The following SMC1B variants were observed in gnomAD, a reference collection of about 807,000 sequenced individuals.
SMC1B encodes structural maintenance of chromosomes protein 1B.
In SMC1B, 60 loss-of-function variants were observed where a neutral mutation model predicts 157.9. The observed-to-expected ratio is 0.38, with a 90% CI of 0.31 to 0.47. SMC1B has a LOEUF of 0.47. Ranked by LOEUF, SMC1B falls within the 20% of genes least tolerant of loss-of-function variation. The pLI, the probability that SMC1B is intolerant of heterozygous loss-of-function variation, is 0.99. For missense variants in SMC1B, 1,165 were observed against 1,426.2 expected (o/e 0.82, Z 2.95); for synonymous variants, 445 against 483.0 (o/e 0.92, Z 1.03).
At chr22:45,387,340 C>G (rs1429239492) in intron 10 of SMC1B, among the ~76,000 whole-genome samples, 1 of 152,130 alleles carries the variant, frequency 6.6e-6, no homozygotes, top group Non-Finnish European at 1.5e-5. Context: ...ATCCCAGCTA[C>G]TCAGGAGGCT....
intron 5 of SMC1B, among the ~76,000 whole-genome samples, chr22:45,402,122 ATCC>A (rs1221154817): frequency 6.6e-6 from 1 of 152,158 alleles, no homozygotes; most frequent in African/African-American, 2.4e-5. Flanking sequence ...TTACCTCGTG[ATCC>A]ACCTGCCTCA....
chr22:45,351,418 CTCTTT>C (rs2086614115), intron 22 of SMC1B, among the ~76,000 whole-genome samples: 1 of 152,214 alleles, frequency 6.6e-6, no homozygotes, highest in South Asian at 2.1e-4. Context: ...TTATGGTTTT[CTCTTT>C]TCTTTTCCTG....
chr22:45,352,609 C>T lies in SMC1B; in HGVS notation c.3274-7G>A, dbSNP rs371921978. 239 of 1,586,484 alleles carry T rather than the reference C, an allele frequency of 1.5e-4. No individual in the cohort carries two copies. The highest frequency in any genetic ancestry group is 1.9e-4 in the Non-Finnish European group (227 of 1,165,806). On this transcript the variant is annotated splice_polypyrimidine_tract_variant and splice_region_variant and intron_variant, in intron 21 of 24. Transcript: ENST00000357450. ...TCTCTGGGCTAAGAAATGCCTGAAA[C>T]GCATGTTATTTATTTAGCAATATCA...
At chr22:45,378,473 T>C (rs2086904221) in intron 12 of SMC1B, among the ~76,000 whole-genome samples, 1 of 152,182 alleles carries the variant, frequency 6.6e-6, no homozygotes, top group South Asian at 2.1e-4. Context: ...TTCTATGCAA[T>C]TTACATTTAT....
intron 12 of SMC1B, 106 bp from the exon 13 acceptor site, chr22:45,372,398 C>CCTG (rs2086842220): frequency 2.2e-6 from 2 of 905,144 alleles, no homozygotes; most frequent in East Asian, 5.5e-5. Flanking sequence ...TACCACCACA[C>CCTG]CTGCACCTTA....
intron 19 of SMC1B, among the ~76,000 whole-genome samples, chr22:45,355,458 T>C (rs138437097): frequency 5.8e-4 from 89 of 152,304 alleles, no homozygotes; most frequent in Non-Finnish European, 1.0e-3. Flanking sequence ...CTTTAAAGAC[T>C]TACAGGGAAG....
In SMC1B at chr22:45,396,346, C is replaced by G; in HGVS notation, c.1254G>C (p.Gln418His). 1 of 1,610,570 alleles carries G rather than the reference C, an allele frequency of 6.2e-7. No homozygotes were observed. Among genetic ancestry groups the G allele is most frequent in the Middle Eastern group, 1.7e-4 (1 of 6,056 alleles). The change falls in exon 7 of 25, where the codon CAG (glutamine) becomes CAC (histidine). Residue 418 changes from glutamine (Q) to histidine (H), a missense_variant and splice_region_variant. Transcript: ENST00000357450. ...AFEKRRHGEV[Q>H]GNLKQIKEQI... ...ATCATTACTGTACAACCCAAGACAC[C>G]TGAACTTCTCCATGCCTCCTCTTTT...
intron 23 of SMC1B, among the ~76,000 whole-genome samples, chr22:45,347,378 A>G (rs1295894567): frequency 6.6e-6 from 1 of 152,198 alleles, no homozygotes; most frequent in African/African-American, 2.4e-5. Flanking sequence ...TCTCAGATGA[A>G]TACAATTTGA....
intron 7 of SMC1B, 23 bp downstream of exon 7, chr22:45,396,323 C>A (rs774513736): frequency 2.2e-5 from 35 of 1,576,186 alleles, no homozygotes; most frequent in African/African-American, 6.9e-5. Flanking sequence ...GATTCTAAAT[C>A]ATTACTGTAC....
At chr22:45,362,820 G>T in intron 16 of SMC1B, 65 bp downstream of exon 16, 3 of 1,389,798 alleles carry the variant, frequency 2.2e-6, no homozygotes, top group Non-Finnish European at 3.0e-6. Flanking sequence ...CGCACAAAAG[G>T]TTTACCACAT....
At chr22:45,345,933 G>A (rs28413024) in intron 23 of SMC1B, among the ~76,000 whole-genome samples, 1 of 150,282 alleles carries the variant, frequency 6.7e-6, no homozygotes, top group Non-Finnish European at 1.5e-5. Context: ...GCTGGGCGCA[G>A]TGGCTCACAC....
At chr22:45,374,802 G>C (rs1032073642) in intron 12 of SMC1B, among the ~76,000 whole-genome samples, 1 of 152,014 alleles carries the variant, frequency 6.6e-6, no homozygotes, top group African/African-American at 2.4e-5. Flanking sequence ...GGCCTATATC[G>C]ATTTTCCAGG....
At chr22:45,383,204 CAAAG>C (rs2086954579) in intron 12 of SMC1B, among the ~76,000 whole-genome samples, 1 of 151,214 alleles carries the variant, frequency 6.6e-6, no homozygotes, top group Non-Finnish European at 1.5e-5. Context: ...TATCATAAAA[CAAAG>C]AAAATAGGAA....
At position 45,413,583 on chromosome 22, in the gene SMC1B, G is replaced by T; in HGVS notation, c.-16C>A. On this transcript the variant is annotated 5_prime_UTR_variant, in exon 1 of 25. Coordinates refer to ENST00000357450, the MANE Select transcript of SMC1B (RefSeq NM_148674.5). ...GGTGGGCCATGGCGCCGCCCTCCAC[G>T]CCTCACCCGCGTTATCAAGCGCCCG... 1 of 1,585,400 alleles carries T rather than the reference G, an allele frequency of 6.3e-7. No individual in the cohort carries two copies. Among genetic ancestry groups the T allele is most frequent in the Non-Finnish European group, 8.6e-7 (1 of 1,164,562 alleles).
At chr22:45,404,690 CTGGAAGCCCTGGCTCCCCCT>C (rs1297509826) in intron 4 of SMC1B, among the ~76,000 whole-genome samples, 1 of 46,846 alleles carries the variant, frequency 2.1e-5, no homozygotes, top group Non-Finnish European at 3.4e-5. Context: ...CACCTATAAC[CTGGAAGCCCTGGCTCCCCCT>C]CCTTTCCAGA....
intron 23 of SMC1B, among the ~76,000 whole-genome samples, chr22:45,346,162 G>T (rs948739217): frequency 2.0e-5 from 3 of 151,080 alleles, no homozygotes; most frequent in Non-Finnish European, 4.4e-5. Context: ...CCGAGATTGT[G>T]CCACTGCACT....
At chr22:45,368,889 C>G (rs2086801604) in intron 15 of SMC1B, among the ~76,000 whole-genome samples, 1 of 152,114 alleles carries the variant, frequency 6.6e-6, no homozygotes, top group Non-Finnish European at 1.5e-5. Flanking sequence ...TTAAAGTCTG[C>G]TGAGATAATT....
At chr22:45,403,342 T>C (rs1401844449) in intron 4 of SMC1B, among the ~76,000 whole-genome samples, 1 of 152,334 alleles carries the variant, frequency 6.6e-6, no homozygotes. Context: ...ATAAGAAACA[T>C]CCACTTTCCA....
intron 21 of SMC1B, among the ~76,000 whole-genome samples, chr22:45,353,376 A>G (rs2086634300): frequency 6.6e-6 from 1 of 152,170 alleles, no homozygotes; most frequent in African/African-American, 2.4e-5. Flanking sequence ...CTGATCCAGG[A>G]TCACCTTTTA....
Sources: allele counts gnomAD v4.1 joint callset (sites outside exome capture counted in the v4.1 genomes callset), GRCh38; gene constraint gnomAD v4.1.1; transcripts MANE v1.5; gene names NCBI Gene and HGNC (gene_info 2026-07-23, HGNC 2026-07-21).